Variants in CDH12 observed in about 807,000 individuals in gnomAD.
CDH12 encodes cadherin 12, also known as cadherin-12.
CDH12 carries 41 observed loss-of-function variants against 74.1 expected under a neutral mutation model. The observed-to-expected ratio is 0.55, with a 90% CI of 0.43 to 0.72. The LOEUF (loss-of-function observed/expected upper bound fraction) is 0.72. CDH12 is among the 30% of genes least tolerant of loss of function. The probability of loss-of-function intolerance (pLI) is 0.00; values close to 1 mark genes in which losing one functional copy is unlikely to be tolerated. For missense variants in CDH12, 945 were observed against 977.2 expected, an observed-to-expected ratio of 0.97 and a Z score of 0.44; for synonymous variants, 399 against 355.0, an observed-to-expected ratio of 1.12 and a Z score of -1.39.
At chr5:22,056,346 G>C (rs1359578418) in intron 5 of CDH12, among the ~76,000 whole-genome samples, 1 of 152,090 alleles carries the variant, frequency 6.6e-6, no homozygotes, top group Admixed American at 6.6e-5. Context: ...AGAAATCATT[G>C]TAATCTATAC....
At chr5:22,580,628 C>A in intron 1 of CDH12, 1 of 475,176 alleles carries the variant, frequency 2.1e-6, no homozygotes, top group South Asian at 1.6e-5. Context: ...CCCACATACT[C>A]CCTACTGACC....
intron 1 of CDH12, among the ~76,000 whole-genome samples, chr5:22,544,301 G>C (rs966576388): frequency 1.3e-5 from 2 of 151,980 alleles, no homozygotes; most frequent in Non-Finnish European, 2.9e-5. Context: ...TAAAATAATG[G>C]CAGGAAGTTA....
intron 3 of CDH12, among the ~76,000 whole-genome samples, chr5:22,354,477 A>G (rs1477976612): frequency 6.6e-6 from 1 of 152,216 alleles, no homozygotes; most frequent in Non-Finnish European, 1.5e-5. Context: ...TTAAGAAGAC[A>G]CACATAAATT....
rs1432591025 is a variant in CDH12, at chr5:22,003,904, AT to A, written c.232-28520del. Among the ~76,000 whole-genome samples, 9 of 148,128 alleles carry A rather than the reference AT, an allele frequency of 6.1e-5. No homozygotes were observed. In the East Asian group the frequency reaches 1.8e-3, roughly 30 times the overall value. On this transcript the variant is annotated intron_variant, in intron 5 of 14. Transcript: ENST00000382254. ...GTAATACTAAGAAGTGTCTTTTTTA[AT>A]TTAAAGCTTCATGCTATGTTAAAAC...
At chr5:22,162,830 A>C (rs1161087197) in intron 4 of CDH12, among the ~76,000 whole-genome samples, 3 of 141,288 alleles carry the variant, frequency 2.1e-5, no homozygotes, top group Admixed American at 7.0e-5. Context: ...CTCTCAATAC[A>C]CCCTATTATG....
intron 1 of CDH12, among the ~76,000 whole-genome samples, chr5:22,593,176 C>T (rs1218518000): frequency 6.6e-6 from 1 of 152,066 alleles, no homozygotes; most frequent in Non-Finnish European, 1.5e-5. Flanking sequence ...CTATGGGACA[C>T]CGTCTACTCT....
intron 3 of CDH12, among the ~76,000 whole-genome samples, chr5:22,367,488 T>C (rs1741083919): frequency 6.6e-6 from 1 of 152,186 alleles, no homozygotes; most frequent in South Asian, 2.1e-4. Flanking sequence ...GTTTCAGAAT[T>C]GGATTTGTGT....
intron 6 of CDH12, among the ~76,000 whole-genome samples, chr5:21,955,221 T>C (rs890249113): frequency 6.6e-6 from 1 of 151,998 alleles, no homozygotes; most frequent in African/African-American, 2.4e-5. Flanking sequence ...TTGCCTGTGG[T>C]CATTCGGGTA....
chr5:21,852,664 G>C (rs1465225822), intron 7 of CDH12, among the ~76,000 whole-genome samples: 1 of 151,262 alleles, frequency 6.6e-6, no homozygotes, highest in African/African-American at 2.4e-5. Context: ...CATTCTAAGA[G>C]AATACTCACT....
At chr5:21,817,662 A>C (rs1748135761) in intron 8 of CDH12, among the ~76,000 whole-genome samples, 1 of 152,022 alleles carries the variant, frequency 6.6e-6, no homozygotes, top group African/African-American at 2.4e-5. Context: ...TAATTTGTAT[A>C]ATCAAAATTC....
At chr5:22,630,502 C>T (rs565974830) in intron 1 of CDH12, among the ~76,000 whole-genome samples, 3 of 152,122 alleles carry the variant, frequency 2.0e-5, no homozygotes, top group Non-Finnish European at 4.4e-5. Flanking sequence ...CACCTACAAG[C>T]ATCTGATCTT....
intron 3 of CDH12, among the ~76,000 whole-genome samples, chr5:22,242,452 C>T (rs1014202917): frequency 1.3e-5 from 2 of 152,204 alleles, no homozygotes; most frequent in African/African-American, 4.8e-5. Flanking sequence ...GCATTCTGAT[C>T]ATTTAACTTA....
intron 1 of CDH12, among the ~76,000 whole-genome samples, chr5:22,644,921 C>G (rs1199237019): frequency 2.0e-5 from 3 of 152,032 alleles, no homozygotes; most frequent in Admixed American, 2.0e-4. Flanking sequence ...GCCGAGATGA[C>G]AGCTCATCTG....
chr5:22,174,111 A>G (rs746525230), intron 4 of CDH12, among the ~76,000 whole-genome samples: 3 of 152,030 alleles, frequency 2.0e-5, no homozygotes, highest in Admixed American at 6.6e-5. Context: ...AATAATTGTT[A>G]GTATTCTCAT....
At chr5:22,518,574 C>G (rs1406511100) in intron 1 of CDH12, among the ~76,000 whole-genome samples, 3 of 152,128 alleles carry the variant, frequency 2.0e-5, no homozygotes, top group Non-Finnish European at 4.4e-5. Flanking sequence ...GTTAAATTTA[C>G]TGTTTCAAGT....
At chr5:21,972,164 T>C (rs1432295574) in intron 6 of CDH12, among the ~76,000 whole-genome samples, 3 of 152,138 alleles carry the variant, frequency 2.0e-5, no homozygotes, top group Non-Finnish European at 4.4e-5. Flanking sequence ...CTGTTAAACT[T>C]CATATCAATG....
chr5:22,075,461 TA>T (rs535707012), intron 5 of CDH12, among the ~76,000 whole-genome samples: 25 of 148,542 alleles, frequency 1.7e-4, no homozygotes, highest in East Asian at 9.9e-4. Flanking sequence ...TAAAGCATAA[TA>T]AAAAAAAAAC....
intron 6 of CDH12, among the ~76,000 whole-genome samples, chr5:21,938,847 A>G (rs1755198429): frequency 6.7e-6 from 1 of 149,784 alleles, no homozygotes. Context: ...AGTCCTTTGA[A>G]TTAGAATTAT....
intron 10 of CDH12, among the ~76,000 whole-genome samples, chr5:21,794,766 A>G (rs1309484960): frequency 6.6e-6 from 1 of 151,728 alleles, no homozygotes; most frequent in Non-Finnish European, 1.5e-5. Flanking sequence ...TTCACTTAGA[A>G]TTAGTAAAGT....
Sources: allele counts gnomAD v4.1 joint callset (sites outside exome capture counted in the v4.1 genomes callset), GRCh38; gene constraint gnomAD v4.1.1; transcripts MANE v1.5; gene names NCBI Gene and HGNC (gene_info 2026-07-23, HGNC 2026-07-21).